LINGO2: variants seen among roughly 807,000 people sequenced by gnomAD.
The protein encoded by LINGO2 is leucine-rich repeat and immunoglobulin-like domain-containing nogo receptor-interacting protein 2.
Under a neutral mutation model 30.6 loss-of-function variants are expected in LINGO2, and 14 were observed. The ratio of observed to expected loss-of-function variants is 0.46; its 90% CI spans 0.30 to 0.72. LINGO2 has a LOEUF of 0.72. Among genes scored for constraint, LINGO2 ranks in the 30% least tolerant of loss-of-function variants. The pLI is 0.07. For missense variants in LINGO2, 729 were observed against 751.7 expected (o/e 0.97, Z 0.35); for synonymous variants, 317 against 288.5 (o/e 1.10, Z -1.00).
At chr9:28,358,121 C>T (rs1324886594) in intron 3 of LINGO2, among the ~76,000 whole-genome samples, 1 of 152,106 alleles carries the variant, frequency 6.6e-6, no homozygotes, top group African/African-American at 2.4e-5. Context: ...GCTTGTAAAA[C>T]AGGTTAGTAA....
chr9:29,173,513 G>A, the LINGO2 span, among the ~76,000 whole-genome samples: 2 of 152,056 alleles, frequency 1.3e-5, no homozygotes, highest in Non-Finnish European at 2.9e-5. Context: ...GTGAGATTTT[G>A]GTTTCTTGAT....
chr9:28,744,704 T>G, the LINGO2 span, among the ~76,000 whole-genome samples: 1 of 150,470 alleles, frequency 6.6e-6, no homozygotes, highest in African/African-American at 2.5e-5. Flanking sequence ...TGGAGTGATC[T>G]TGGCTCACTG....
At chr9:28,457,610 C>A (rs774454621) in intron 2 of LINGO2, among the ~76,000 whole-genome samples, 1 of 151,638 alleles carries the variant, frequency 6.6e-6, no homozygotes, top group African/African-American at 2.4e-5. Context: ...TAAAAAAAAA[C>A]CCTAAGAGAT....
At chr9:28,284,350 C>G (rs920145486) in intron 4 of LINGO2, among the ~76,000 whole-genome samples, 5 of 152,270 alleles carry the variant, frequency 3.3e-5, no homozygotes, top group African/African-American at 1.2e-4. Flanking sequence ...GATGTAGATT[C>G]TGCACTCACT....
At chr9:29,213,571 C>G in the LINGO2 span, among the ~76,000 whole-genome samples, 1 of 152,030 alleles carries the variant, frequency 6.6e-6, no homozygotes, top group Non-Finnish European at 1.5e-5. Context: ...GCTTGGCAGC[C>G]GGGCTCAGAG....
At chr9:28,429,743 A>G (rs910752006) in intron 2 of LINGO2, among the ~76,000 whole-genome samples, 1 of 152,174 alleles carries the variant, frequency 6.6e-6, no homozygotes, top group Non-Finnish European at 1.5e-5. Flanking sequence ...TCATTTCTCT[A>G]TCTTCTCTTT....
At chr9:28,481,387 A>G (rs971985091) in intron 1 of LINGO2, among the ~76,000 whole-genome samples, 2 of 152,110 alleles carry the variant, frequency 1.3e-5, no homozygotes, top group Non-Finnish European at 2.9e-5. Flanking sequence ...TATACGCACC[A>G]AAATTTATTT....
At chr9:28,743,604 T>C in the LINGO2 span, among the ~76,000 whole-genome samples, 1 of 152,020 alleles carries the variant, frequency 6.6e-6, no homozygotes, top group Admixed American at 6.6e-5. Context: ...TATTCTCCAC[T>C]TTAAAATGCC....
At chr9:27,992,890 T>TA (rs1176916451) in intron 5 of LINGO2, among the ~76,000 whole-genome samples, 2 of 152,136 alleles carry the variant, frequency 1.3e-5, no homozygotes, top group African/African-American at 4.8e-5. Flanking sequence ...AGACTTTCTA[T>TA]ACATAGACAC....
At chr9:29,018,204 A>G in the LINGO2 span, among the ~76,000 whole-genome samples, 1 of 151,176 alleles carries the variant, frequency 6.6e-6, no homozygotes. Flanking sequence ...CGGAATAACG[A>G]ATACTGCATG....
intron 1 of LINGO2, among the ~76,000 whole-genome samples, chr9:28,549,417 C>T (rs563804063): frequency 6.6e-6 from 1 of 152,068 alleles, no homozygotes; most frequent in Admixed American, 6.5e-5. Context: ...AGGAATGATG[C>T]AATAAACATT....
chr9:28,571,112 G>A (rs1823669149), intron 1 of LINGO2, among the ~76,000 whole-genome samples: 2 of 151,972 alleles, frequency 1.3e-5, no homozygotes, highest in African/African-American at 4.8e-5. Context: ...TGTAGACTGA[G>A]CAGCTTAGAA....
the LINGO2 span, among the ~76,000 whole-genome samples, chr9:29,067,921 G>T: frequency 6.6e-6 from 1 of 151,648 alleles, no homozygotes; most frequent in Admixed American, 6.6e-5. Context: ...AGCAAAAAAG[G>T]AGCTTTAAAA....
intron 2 of LINGO2, among the ~76,000 whole-genome samples, chr9:28,437,580 C>T (rs557762055): frequency 1.1e-4 from 17 of 147,840 alleles, no homozygotes; most frequent in South Asian, 1.1e-3. Flanking sequence ...CACACACAGA[C>T]GCGCACACAC....
chr9:29,058,211 GA>G, the LINGO2 span, among the ~76,000 whole-genome samples: 1 of 151,920 alleles, frequency 6.6e-6, no homozygotes, highest in South Asian at 2.1e-4. Context: ...AAGAAACACA[GA>G]AACAAAATAG....
At chr9:28,768,225 A>G in the LINGO2 span, among the ~76,000 whole-genome samples, 2 of 152,188 alleles carry the variant, frequency 1.3e-5, no homozygotes, top group Non-Finnish European at 2.9e-5. Flanking sequence ...TTTCCCTGTC[A>G]TCCACAAAGG....
At chr9:29,044,224 T>C in the LINGO2 span, among the ~76,000 whole-genome samples, 3 of 151,716 alleles carry the variant, frequency 2.0e-5, no homozygotes, top group Admixed American at 2.0e-4. Context: ...GTGAGTGTTA[T>C]GTAAGTATAT....
chr9:28,394,219 G>C (rs1039105484), intron 2 of LINGO2, among the ~76,000 whole-genome samples: 1 of 152,122 alleles, frequency 6.6e-6, no homozygotes, highest in Non-Finnish European at 1.5e-5. Flanking sequence ...TCTTTCCAAC[G>C]CAATGCTTCA....
the LINGO2 span, among the ~76,000 whole-genome samples, chr9:29,208,333 T>C: frequency 2.6e-5 from 4 of 152,198 alleles, no homozygotes; most frequent in East Asian, 1.9e-4. Context: ...GCCGCCTCTT[T>C]GTTATCAAAA....
Sources: allele counts gnomAD v4.1 joint callset (sites outside exome capture counted in the v4.1 genomes callset), GRCh38; gene constraint gnomAD v4.1.1; transcripts MANE v1.5; gene names NCBI Gene and HGNC (gene_info 2026-07-23, HGNC 2026-07-21).